Variants in NAA35 observed in about 807,000 individuals in gnomAD.
NAA35 encodes the protein N-alpha-acetyltransferase 35, NatC auxiliary subunit, also known as MAK10 homolog, amino-acid N-acetyltransferase subunit.
NAA35 carries 18 observed loss-of-function variants against 101.7 expected under a neutral mutation model. The observed-to-expected ratio is 0.18, with a 90% CI of 0.12 to 0.26. The LOEUF is 0.26. Ranked by LOEUF, NAA35 falls within the 10% of genes least tolerant of loss-of-function variation. NAA35 has a pLI of 1.00. For synonymous variants in NAA35, 267 were observed against 273.1 expected (o/e 0.98, Z 0.22); for missense variants, 601 against 886.8 (o/e 0.68, Z 4.09).
intron 3 of NAA35, among the ~76,000 whole-genome samples, chr9:85,957,287 G>A (rs961307818): frequency 6.6e-6 from 1 of 152,170 alleles, no homozygotes; most frequent in African/African-American, 2.4e-5. Context: ...TATACTTACT[G>A]TTCATTAAGT....
Position 86,022,288 on chromosome 9 carries a change from C to CA in NAA35, c.*338dup, listed in dbSNP as rs140742240. The CA allele has an allele frequency of 0.023, 3,811 of 165,992 alleles. 123 individuals carry two copies. The highest frequency in any genetic ancestry group is 0.075 in the African/African-American group (2,998 of 39,754). 10.3% of individuals were successfully genotyped at this position (165,992 alleles called of 1,614,324 possible). A position where few individuals can be genotyped will look rare whatever the true frequency, so the allele number is the denominator to read the frequency against. On this transcript the variant is annotated 3_prime_UTR_variant, in exon 23 of 23. Coordinates refer to ENST00000361671, the MANE Select transcript of NAA35 (RefSeq NM_024635.4). ...TTATAAAGGTTAATAAATTTCTTGA[C>CA]AAAAAAAAAATGCACTGCTGGAGAT...
At chr9:85,964,447 C>T (rs1829659188) in intron 6 of NAA35, among the ~76,000 whole-genome samples, 1 of 152,204 alleles carries the variant, frequency 6.6e-6, no homozygotes, top group Non-Finnish European at 1.5e-5. Context: ...TTCAACAAAT[C>T]TGTAATAACA....
chr9:85,968,466 C>T (rs917316789), intron 6 of NAA35, among the ~76,000 whole-genome samples: 1 of 152,142 alleles, frequency 6.6e-6, no homozygotes, highest in African/African-American at 2.4e-5. Flanking sequence ...CACCTCGGGC[C>T]TCTCAAAGTG....
chr9:85,982,978 G>T (rs1830494396), intron 11 of NAA35, among the ~76,000 whole-genome samples: 1 of 152,136 alleles, frequency 6.6e-6, no homozygotes, highest in Non-Finnish European at 1.5e-5. Context: ...CTGCATTATT[G>T]GTTTGCCAGA....
intron 17 of NAA35, 53 bp downstream of exon 17, chr9:86,013,950 G>C (rs1832076738): frequency 7.7e-7 from 1 of 1,290,422 alleles, no homozygotes; most frequent in Non-Finnish European, 1.1e-6. Context: ...GATAAGATCT[G>C]AGAATTCAGA....
intron 8 of NAA35, among the ~76,000 whole-genome samples, chr9:85,976,267 A>G (rs1830207480): frequency 6.6e-6 from 1 of 152,222 alleles, no homozygotes; most frequent in Non-Finnish European, 1.5e-5. Flanking sequence ...ATTTTAGTGT[A>G]AAATGGATCG....
chr9:85,969,943 C>T (rs1274077843), intron 6 of NAA35, among the ~76,000 whole-genome samples: 1 of 151,784 alleles, frequency 6.6e-6, no homozygotes, highest in Non-Finnish European at 1.5e-5. Flanking sequence ...GGCTTTACAC[C>T]TTTCACTAAA....
rs528283780 is a variant in NAA35, at chr9:85,951,769, C to T, written c.125-4591C>T. Among the ~76,000 whole-genome samples the T allele has an allele frequency of 5.3e-5, 8 of 152,202 alleles. No individual in the cohort carries two copies. In the South Asian group the frequency reaches 1.2e-3, roughly 24 times the overall value. ...CTCTGGGTTCAAGGGATTCTCCTGC[C>T]TCAGCATCCTGAATAGAGTAGCTGG... On this transcript the variant is annotated intron_variant, in intron 2 of 22. Coordinates refer to ENST00000361671, the MANE Select transcript of NAA35 (RefSeq NM_024635.4).
chr9:85,992,193 A>T (rs117910679), intron 11 of NAA35, among the ~76,000 whole-genome samples: 10,220 of 151,372 alleles, frequency 0.068, 434 homozygotes, highest in Middle Eastern at 0.16. Flanking sequence ...AAAATAATAA[A>T]AAATAAATGA....
At chr9:85,988,623 A>G (rs1343979760) in intron 11 of NAA35, among the ~76,000 whole-genome samples, 4 of 152,152 alleles carry the variant, frequency 2.6e-5, no homozygotes, top group Non-Finnish European at 5.9e-5. Context: ...AACATGGGGA[A>G]ATCCCCATCT....
chr9:85,997,017 C>T (rs1037708309), intron 12 of NAA35, among the ~76,000 whole-genome samples: 1 of 151,762 alleles, frequency 6.6e-6, no homozygotes, highest in Non-Finnish European at 1.5e-5. Flanking sequence ...GTGGCATGAT[C>T]TCAGCTCACT....
At chr9:85,994,736 C>CG (rs1397500969) in intron 11 of NAA35, among the ~76,000 whole-genome samples, 1 of 151,768 alleles carries the variant, frequency 6.6e-6, no homozygotes, top group Non-Finnish European at 1.5e-5. Context: ...ATCTTTTATC[C>CG]GGGGGGAAGG....
intron 12 of NAA35, among the ~76,000 whole-genome samples, chr9:85,999,440 G>A (rs1207518885): frequency 1.3e-5 from 2 of 152,208 alleles, no homozygotes; most frequent in East Asian, 1.9e-4. Context: ...TTTACCAGTT[G>A]TATTGGTAAG....
intron 12 of NAA35, among the ~76,000 whole-genome samples, chr9:86,002,587 G>A (rs893114718): frequency 6.6e-6 from 1 of 151,754 alleles, no homozygotes; most frequent in Admixed American, 6.6e-5. Flanking sequence ...TTGTCTGACT[G>A]TCTTATTTCA....
intron 21 of NAA35, among the ~76,000 whole-genome samples, chr9:86,020,460 T>C (rs142903693): frequency 0.014 from 2,099 of 152,234 alleles, 47 homozygotes; most frequent in African/African-American, 0.046. Flanking sequence ...TTCTATATTA[T>C]TAAAAGAAAT....
Position 85,945,941 on chromosome 9 carries a change from A to G in NAA35, c.124+3658A>G, listed in dbSNP as rs141088387. ...AGTCCTGAATCAAATACAAACTTTC[A>G]ACTTTTATGATTTATTTTATTTCCT... On this transcript the variant is annotated intron_variant, in intron 2 of 22. Coordinates refer to ENST00000361671, the MANE Select transcript of NAA35 (RefSeq NM_024635.4). 9.6e-3 allele frequency among the ~76,000 whole-genome samples: 1,461 copies of G among 152,190 alleles called. 10 individuals are homozygous for G. The highest frequency in any genetic ancestry group is 0.015 in the Admixed American group (224 of 15,282).
At chr9:86,016,496 C>T (rs776373914) in intron 17 of NAA35, 43 bp from the exon 18 acceptor site, 1 of 1,573,186 alleles carries the variant, frequency 6.4e-7, no homozygotes, top group Non-Finnish European at 8.7e-7. Flanking sequence ...AAAGCTGTCT[C>T]ATTTAGACAT....
intron 11 of NAA35, among the ~76,000 whole-genome samples, chr9:85,980,640 G>T (rs1830400519): frequency 6.6e-6 from 1 of 151,988 alleles, no homozygotes; most frequent in Non-Finnish European, 1.5e-5. Context: ...GCACTTTTAG[G>T]CCAGGCACTC....
intron 8 of NAA35, 63 bp downstream of exon 8, chr9:85,975,220 C>G: frequency 2.0e-6 from 3 of 1,524,020 alleles, no homozygotes; most frequent in Non-Finnish European, 2.7e-6. Context: ...TTTAACTTTA[C>G]CTAATTAAAA....
Sources: allele counts gnomAD v4.1 joint callset (sites outside exome capture counted in the v4.1 genomes callset), GRCh38; gene constraint gnomAD v4.1.1; transcripts MANE v1.5; gene names NCBI Gene and HGNC (gene_info 2026-07-23, HGNC 2026-07-21).